DCHS2: variants seen among roughly 807,000 people sequenced by gnomAD.
DCHS2 encodes protocadherin-23.
DCHS2 carries 142 observed loss-of-function variants against 182.4 expected under a neutral mutation model. That is an observed-to-expected ratio of 0.78 (90% CI 0.68 to 0.89). The LOEUF is 0.89. Among genes scored for constraint, DCHS2 ranks in the 40% least tolerant of loss-of-function variants. The pLI is 0.00. For synonymous variants in DCHS2, 1,740 were observed against 1,663.3 expected, an observed-to-expected ratio of 1.05 and a Z score of -1.12; for missense variants, 4,319 against 4,198.6, an observed-to-expected ratio of 1.03 and a Z score of -0.79.
At chr4:154,384,713 C>T (rs1372382816) in intron 1 of DCHS2, among the ~76,000 whole-genome samples, 1 of 151,866 alleles carries the variant, frequency 6.6e-6, no homozygotes, top group African/African-American at 2.4e-5. Flanking sequence ...GAGGAGGAGG[C>T]AATGTGACCA....
Position 154,269,892 on chromosome 4 carries a change from A to G in DCHS2, c.6577+8T>C, listed in dbSNP as rs1733493158. 7 of 1,607,788 alleles carry G rather than the reference A, an allele frequency of 4.4e-6. No homozygotes were observed. The highest frequency in any genetic ancestry group is 4.2e-6 in the Non-Finnish European group (5 of 1,177,950). On this transcript the variant is annotated splice_region_variant and intron_variant, in intron 14 of 19. Coordinates refer to ENST00000357232, the MANE Select transcript of DCHS2 (RefSeq NM_001358235.2). ...AAATAAAGCTAGTATAGGGTAGAGA[A>G]GGATTACCTGACTTAGAGCACAGGG...
At chr4:154,481,683 C>G (rs1377885367) in intron 1 of DCHS2, among the ~76,000 whole-genome samples, 2 of 152,206 alleles carry the variant, frequency 1.3e-5, no homozygotes, top group Admixed American at 1.3e-4. Context: ...CCTGGATATG[C>G]ATCATCTCAT....
chr4:154,391,967 A>G (rs1731728283), intron 1 of DCHS2, among the ~76,000 whole-genome samples: 1 of 150,182 alleles, frequency 6.7e-6, no homozygotes, highest in Non-Finnish European at 1.5e-5. Context: ...GTTATTCTAT[A>G]TACTATATAC....
intron 1 of DCHS2, among the ~76,000 whole-genome samples, chr4:154,481,901 T>C (rs368858449): frequency 6.6e-6 from 1 of 152,316 alleles, no homozygotes; most frequent in East Asian, 1.9e-4. Flanking sequence ...GAAGGACACC[T>C]GGAAATAATG....
At chr4:154,399,636 T>C (rs1732074653) in intron 1 of DCHS2, among the ~76,000 whole-genome samples, 1 of 152,160 alleles carries the variant, frequency 6.6e-6, no homozygotes, top group African/African-American at 2.4e-5. Context: ...TTGTTTGGAG[T>C]TGCTATCTTT....
intron 1 of DCHS2, among the ~76,000 whole-genome samples, chr4:154,416,093 AG>A (rs1732821206): frequency 6.6e-6 from 1 of 152,172 alleles, no homozygotes; most frequent in Non-Finnish European, 1.5e-5. Flanking sequence ...CAGTCCAAAA[AG>A]TTTGAAGGCT....
In DCHS2 at chr4:154,240,549, T is replaced by C. The variant is rs922067059; in HGVS notation, c.7347A>G (p.Gln2449=). 12 of 1,613,318 alleles carry C rather than the reference T, an allele frequency of 7.4e-6. No homozygotes were observed. Among genetic ancestry groups the C allele is most frequent in the Non-Finnish European group, 1.0e-5 (12 of 1,179,578 alleles). Reference sequence around the variant, plus strand: ...TTAAGCCCTTTACCTGATAGAAATCTTGAGAAAACACTGGTGGATTATCAT... The same window carrying C: ...TTAAGCCCTTTACCTGATAGAAATCCTGAGAAAACACTGGTGGATTATCAT... ...DVNDNPPVFS[Q]DFYQVTVPES... The change falls in exon 18 of 20, where the codon CAA becomes CAG. Residue 2449 remains glutamine, a synonymous_variant. Coordinates refer to ENST00000357232, the MANE Select transcript of DCHS2 (RefSeq NM_001358235.2).
chr4:154,359,492 A>G (rs1207020129), intron 3 of DCHS2, among the ~76,000 whole-genome samples: 1 of 152,020 alleles, frequency 6.6e-6, no homozygotes, highest in East Asian at 1.9e-4. Flanking sequence ...TTAGCAACAA[A>G]AATAAGCACA....
intron 15 of DCHS2, among the ~76,000 whole-genome samples, chr4:154,258,949 C>A (rs1732837212): frequency 6.6e-6 from 1 of 152,110 alleles, no homozygotes; most frequent in Non-Finnish European, 1.5e-5. Flanking sequence ...AGCTTCCTGA[C>A]TACAAAAACT....
chr4:154,304,728 G>T lies in DCHS2; in HGVS notation c.5546C>A (p.Thr1849Lys). 6.2e-7 allele frequency: 1 copy of T among 1,613,890 alleles called. No individual in the cohort carries two copies. The highest frequency in any genetic ancestry group is 1.1e-5 in the South Asian group (1 of 91,066). Residue 1849 changes from threonine to lysine, a missense_variant, in exon 12 of 20, where the codon ACG becomes AAG. Transcript: ENST00000357232. ...AGCATCCATATCAGAGGCTAAAACC[G>T]TATAGACAACCTCTGGTTCCTGGTT... is the stretch of plus-strand genomic sequence containing the variant. ...LENQEPEVVY[T>K]VLASDMDAGN...
At chr4:154,321,368 T>A in intron 8 of DCHS2, 146 bp from the exon 9 acceptor site, 1 of 918,832 alleles carries the variant, frequency 1.1e-6, no homozygotes, top group Non-Finnish European at 1.5e-6. Flanking sequence ...TTTTATATTA[T>A]ATAATTCCAG....
At chr4:154,381,373 T>C (rs185342853) in intron 1 of DCHS2, among the ~76,000 whole-genome samples, 2 of 152,090 alleles carry the variant, frequency 1.3e-5, no homozygotes, top group African/African-American at 4.8e-5. Context: ...TTAAATAATT[T>C]TTATCAGACA....
At chr4:154,298,853 G>T (rs1469103967) in intron 12 of DCHS2, 145 bp from the exon 13 acceptor site, 1 of 1,228,578 alleles carries the variant, frequency 8.1e-7, no homozygotes, top group Non-Finnish European at 1.1e-6. Flanking sequence ...GTAAATATTG[G>T]GGATATAACA....
At position 154,491,615 on chromosome 4, in the gene DCHS2, A is replaced by C; in HGVS notation, c.-260T>G. On this transcript the variant is annotated 5_prime_UTR_variant, in exon 1 of 20. Coordinates refer to ENST00000357232, the MANE Select transcript of DCHS2 (RefSeq NM_001358235.2). ...CCTCTTCTGCCCCTGGATTTCTTTA[A>C]ACGAATCTCATCTCTTTTTCTCTCT... The C allele has an allele frequency of 7.6e-7, 1 of 1,320,186 alleles. No homozygotes were observed. Among genetic ancestry groups the C allele is most frequent in the Non-Finnish European group, 9.6e-7 (1 of 1,041,176 alleles). The allele number at this position is 1,320,186 out of a possible 1,614,324, so 81.8% of individuals were successfully genotyped here.
chr4:154,287,896 G>T (rs573215304), intron 13 of DCHS2, among the ~76,000 whole-genome samples: 2 of 152,014 alleles, frequency 1.3e-5, no homozygotes, highest in African/African-American at 4.8e-5. Context: ...TTTGCAAGCC[G>T]CATGGTAACC....
chr4:154,304,632 AAAACAAACAAAC>A (rs70947158), intron 12 of DCHS2, 25 bp downstream of exon 12: 70 of 1,497,976 alleles, frequency 4.7e-5, no homozygotes, highest in Middle Eastern at 2.4e-4. Flanking sequence ...CTGTCTTAAA[AAAACAAACAAAC>A]AAACAAACAA....
chr4:154,277,205 C>G (rs1733889764), intron 13 of DCHS2, among the ~76,000 whole-genome samples: 1 of 152,144 alleles, frequency 6.6e-6, no homozygotes, highest in African/African-American at 2.4e-5. Context: ...GGCTTCTCCA[C>G]TGGGATGGAA....
chr4:154,397,240 A>G (rs577653074), intron 1 of DCHS2, among the ~76,000 whole-genome samples: 43 of 152,212 alleles, frequency 2.8e-4, no homozygotes, highest in Non-Finnish European at 4.9e-4. Context: ...GGCTAAACAG[A>G]TTCTTACATA....
At chr4:154,384,453 T>G in intron 1 of DCHS2, 1 of 1,603,804 alleles carries the variant, frequency 6.2e-7, no homozygotes, top group Middle Eastern at 1.7e-4. Context: ...ACTACCTCTT[T>G]TCAATCCACA....
Sources: gnomAD v4.1 joint callset for allele counts (sites outside exome capture counted in the v4.1 genomes callset) on GRCh38, gnomAD v4.1.1 for gene constraint, MANE v1.5 for transcripts, NCBI Gene and HGNC (gene_info 2026-07-23, HGNC 2026-07-21) for gene names.